SGK3: variants seen among roughly 807,000 people sequenced by gnomAD.
The protein encoded by SGK3 is serum/glucocorticoid regulated kinase family member 3, also known as serine/threonine-protein kinase Sgk3.
A neutral mutation model predicts 68.5 loss-of-function variants in SGK3; 47 were observed. The observed-to-expected ratio is 0.69, with a 90% CI of 0.54 to 0.87. The LOEUF (loss-of-function observed/expected upper bound fraction) is 0.87, where lower values mean the gene tolerates loss of function less well. SGK3 is among the 40% of genes least tolerant of loss of function. SGK3 has a pLI of 0.00. For missense variants in SGK3, 479 were observed against 575.5 expected, an observed-to-expected ratio of 0.83 and a Z score of 1.72; for synonymous variants, 181 against 189.1, an observed-to-expected ratio of 0.96 and a Z score of 0.35.
chr8:66,762,693 A>G (rs1426406331), intron 1 of SGK3, among the ~76,000 whole-genome samples: 2 of 152,206 alleles, frequency 1.3e-5, no homozygotes, highest in South Asian at 2.1e-4. Context: ...TAAGATCCAT[A>G]CAATTGGTAA....
intron 1 of SGK3, among the ~76,000 whole-genome samples, chr8:66,743,726 T>C (rs545318421): frequency 6.6e-6 from 1 of 152,384 alleles, no homozygotes; most frequent in South Asian, 2.1e-4. Flanking sequence ...TTCACCCTAT[T>C]GGCCAGGCTG....
chr8:66,844,845 T>C (rs1809944097), intron 14 of SGK3, among the ~76,000 whole-genome samples: 1 of 152,234 alleles, frequency 6.6e-6, no homozygotes, highest in Admixed American at 6.5e-5. Context: ...GCCAACACCA[T>C]CTCTTCTTTG....
Position 66,799,193 on chromosome 8 carries a change from A to G in SGK3, c.180+568A>G, listed in dbSNP as rs117938222. On this transcript the variant is annotated intron_variant, in intron 3 of 16. Coordinates refer to ENST00000521198, the MANE Select transcript of SGK3 (RefSeq NM_001033578.3). ...ATAACTCAGATATTAAATAGAATTCATAATCTACTGATGGCAGTACATACA... is the reference window on the plus strand; with the variant it reads ...ATAACTCAGATATTAAATAGAATTCGTAATCTACTGATGGCAGTACATACA... 1.0e-3 allele frequency among the ~76,000 whole-genome samples: 153 copies of G among 152,334 alleles called. 2 individuals are homozygous for G. The East Asian group carries it at 0.015, about 15-fold the overall frequency.
At chr8:66,786,923 G>GTT (rs1807224293) in intron 1 of SGK3, among the ~76,000 whole-genome samples, 3 of 86,680 alleles carry the variant, frequency 3.5e-5, no homozygotes, top group African/African-American at 1.4e-4. Flanking sequence ...GATTTTCTCT[G>GTT]TCTTTTTTTT....
chr8:66,848,106 A>G (rs1345599737), intron 15 of SGK3, among the ~76,000 whole-genome samples: 2 of 152,150 alleles, frequency 1.3e-5, no homozygotes, highest in Non-Finnish European at 2.9e-5. Flanking sequence ...CTTTGCTGCT[A>G]CTGCTTTACC....
At chr8:66,725,122 A>G (rs374440629) in intron 1 of SGK3, among the ~76,000 whole-genome samples, 9 of 152,032 alleles carry the variant, frequency 5.9e-5, no homozygotes, top group African/African-American at 2.2e-4. Flanking sequence ...CCAGCTACTC[A>G]GGAGGGTGAG....
chr8:66,798,933 A>G (rs527485612), intron 3 of SGK3, among the ~76,000 whole-genome samples: 50 of 152,328 alleles, frequency 3.3e-4, no homozygotes, highest in African/African-American at 1.2e-3. Context: ...GTTAATCATC[A>G]TGGTATTTCT....
Position 66,859,625 on chromosome 8 carries a change from A to G in SGK3, c.*44A>G, listed in dbSNP as rs760004341. 1.9e-6 allele frequency: 3 copies of G among 1,556,218 alleles called. No individual in the cohort carries two copies. Among genetic ancestry groups the G allele is most frequent in the Admixed American group, 3.5e-5 (2 of 57,352 alleles). ...ACCATTGAGCAAAATAAGTCTATAG[A>G]TGGGACTGAAACTTCTATTTGTGTG... is the stretch of plus-strand genomic sequence containing the variant. On this transcript the variant is annotated 3_prime_UTR_variant, in exon 17 of 17. Coordinates refer to ENST00000521198, the MANE Select transcript of SGK3 (RefSeq NM_001033578.3).
chr8:66,763,760 G>GT (rs1563615048), intron 1 of SGK3, among the ~76,000 whole-genome samples: 1 of 151,510 alleles, frequency 6.6e-6, no homozygotes, highest in African/African-American at 2.4e-5. Context: ...GGTTTTTTTG[G>GT]TTTTTTTAAA....
In SGK3 at chr8:66,712,799, C is replaced by T. The variant is rs1320937467; in HGVS notation, c.-156C>T. The T allele has an allele frequency of 2.0e-5, 3 of 151,238 alleles. No homozygotes were observed. Among genetic ancestry groups the T allele is most frequent in the Admixed American group, 2.0e-4 (3 of 15,186 alleles). 9.4% of individuals were successfully genotyped at this position (151,238 alleles called of 1,614,324 possible). On this transcript the variant is annotated 5_prime_UTR_variant, in exon 1 of 17. Coordinates refer to ENST00000521198, the MANE Select transcript of SGK3 (RefSeq NM_001033578.3). ...AGGAAGCGCAGTGCGTTCGGCTCCGCGCCCGCCGCGCCGGGAGCAGCACCG... is the reference window on the plus strand; with the variant it reads ...AGGAAGCGCAGTGCGTTCGGCTCCGTGCCCGCCGCGCCGGGAGCAGCACCG...
chr8:66,721,450 C>T (rs1804791857), intron 1 of SGK3, among the ~76,000 whole-genome samples: 1 of 152,116 alleles, frequency 6.6e-6, no homozygotes. Flanking sequence ...AAAATGGATA[C>T]TAATCATGGT....
At chr8:66,840,916 T>C (rs2130724615) in intron 12 of SGK3, 108 bp from the exon 13 acceptor site, 1 of 698,328 alleles carries the variant, frequency 1.4e-6, no homozygotes, top group East Asian at 3.5e-5. Context: ...CACTCCAGCC[T>C]GGGCAACAGA....
At chr8:66,763,113 G>C (rs1468916183) in intron 1 of SGK3, among the ~76,000 whole-genome samples, 2 of 152,206 alleles carry the variant, frequency 1.3e-5, no homozygotes, top group African/African-American at 4.8e-5. Flanking sequence ...TCTGTAACAA[G>C]AAACTTCTCC....
At chr8:66,730,242 G>A (rs1805108827) in intron 1 of SGK3, among the ~76,000 whole-genome samples, 1 of 151,874 alleles carries the variant, frequency 6.6e-6, no homozygotes, top group African/African-American at 2.4e-5. Context: ...GTACCCATTG[G>A]CCAACTGTGT....
rs575713247 is a variant in SGK3, at chr8:66,786,261, T to A, written c.-121-7355T>A. ...CAGAGGACTCTGTAAAGCATGTACA[T>A]GTGGTGGAGGCAGGGTAGTATAATG... On this transcript the variant is annotated intron_variant, in intron 1 of 16. Coordinates refer to ENST00000521198, the MANE Select transcript of SGK3 (RefSeq NM_001033578.3). Among the ~76,000 whole-genome samples, 24 of 152,312 alleles carry A rather than the reference T, an allele frequency of 1.6e-4. No individual in the cohort carries two copies. In the South Asian group the frequency reaches 2.9e-3, roughly 18 times the overall value.
chr8:66,837,657 C>G (rs946345655), intron 10 of SGK3, among the ~76,000 whole-genome samples: 2 of 152,030 alleles, frequency 1.3e-5, no homozygotes, highest in East Asian at 3.9e-4. Context: ...GGTGACATGC[C>G]TCCGTAGTCC....
chr8:66,851,177 A>C (rs1022866488), intron 16 of SGK3, among the ~76,000 whole-genome samples: 2 of 152,306 alleles, frequency 1.3e-5, no homozygotes, highest in African/African-American at 4.8e-5. Flanking sequence ...GTATAAGAAA[A>C]GAATGAACTC....
intron 1 of SGK3, among the ~76,000 whole-genome samples, chr8:66,779,857 A>G (rs1806903824): frequency 1.3e-5 from 2 of 151,596 alleles, no homozygotes; most frequent in Admixed American, 1.3e-4. Flanking sequence ...GCTTTGGGAA[A>G]TTTTTACTAA....
At chr8:66,845,372 A>G (rs567835438) in intron 14 of SGK3, among the ~76,000 whole-genome samples, 5 of 152,290 alleles carry the variant, frequency 3.3e-5, no homozygotes, top group African/African-American at 1.2e-4. Context: ...GCACTCCAGC[A>G]TAGGCAACAA....
Sources: gnomAD v4.1 joint callset for allele counts (sites outside exome capture counted in the v4.1 genomes callset) on GRCh38, gnomAD v4.1.1 for gene constraint, MANE v1.5 for transcripts, NCBI Gene and HGNC (gene_info 2026-07-23, HGNC 2026-07-21) for gene names.